SORCS3: variants seen among roughly 807,000 people sequenced by gnomAD.
The protein encoded by SORCS3 is sortilin related VPS10 domain containing receptor 3.
In SORCS3, 57 loss-of-function variants were observed where a neutral mutation model predicts 146.3. The observed-to-expected ratio is 0.39, with a 90% CI of 0.31 to 0.49. SORCS3 has a LOEUF of 0.49. Ranked by LOEUF, SORCS3 falls within the 20% of genes least tolerant of loss-of-function variation. SORCS3 has a pLI of 0.92. For synonymous variants in SORCS3, 653 were observed against 618.5 expected, an observed-to-expected ratio of 1.06 and a Z score of -0.83; for missense variants, 1,341 against 1,575.5, an observed-to-expected ratio of 0.85 and a Z score of 2.52.
At chr10:105,037,386 T>C (rs1252856289) in intron 4 of SORCS3, among the ~76,000 whole-genome samples, 1 of 152,144 alleles carries the variant, frequency 6.6e-6, no homozygotes, top group Non-Finnish European at 1.5e-5. Flanking sequence ...TGACTTGAAG[T>C]AACAGAAATA....
intron 4 of SORCS3, among the ~76,000 whole-genome samples, chr10:104,993,312 T>C (rs1464752983): frequency 6.6e-6 from 1 of 152,226 alleles, no homozygotes; most frequent in Non-Finnish European, 1.5e-5. Flanking sequence ...TGTTCTTCCC[T>C]GTAGTTGCTT....
chr10:104,693,237 T>C (rs2016135049), intron 1 of SORCS3, among the ~76,000 whole-genome samples: 2 of 152,150 alleles, frequency 1.3e-5, no homozygotes, highest in African/African-American at 4.8e-5. Context: ...AGGAGACAGA[T>C]TGGCTGAGCT....
At chr10:104,968,991 A>G (rs2054842826) in intron 3 of SORCS3, among the ~76,000 whole-genome samples, 1 of 152,320 alleles carries the variant, frequency 6.6e-6, no homozygotes, top group East Asian at 1.9e-4. Flanking sequence ...TTGCCCTCAC[A>G]GGCATTGGGA....
chr10:104,745,606 C>G (rs1453013634), intron 1 of SORCS3, among the ~76,000 whole-genome samples: 1 of 152,128 alleles, frequency 6.6e-6, no homozygotes, highest in African/African-American at 2.4e-5. Flanking sequence ...AAGATCTGCC[C>G]TCTTAGCAGA....
At chr10:104,809,972 G>A (rs1470553972) in intron 1 of SORCS3, among the ~76,000 whole-genome samples, 1 of 152,146 alleles carries the variant, frequency 6.6e-6, no homozygotes, top group African/African-American at 2.4e-5. Flanking sequence ...CTGGGATAGG[G>A]GCTGCTTCCT....
chr10:105,123,693 A>G (rs2055952254), intron 7 of SORCS3, among the ~76,000 whole-genome samples: 1 of 152,190 alleles, frequency 6.6e-6, no homozygotes, highest in Non-Finnish European at 1.5e-5. Context: ...AATGGTAATT[A>G]CCCACTATGA....
chr10:105,098,614 C>T (rs2055762794), intron 6 of SORCS3, among the ~76,000 whole-genome samples: 1 of 152,186 alleles, frequency 6.6e-6, no homozygotes, highest in Non-Finnish European at 1.5e-5. Flanking sequence ...ACTTAATCAT[C>T]CTGTGCCTCA....
chr10:104,855,823 A>G (rs991317073), intron 2 of SORCS3, among the ~76,000 whole-genome samples: 1 of 151,358 alleles, frequency 6.6e-6, no homozygotes, highest in Non-Finnish European at 1.5e-5. Context: ...ACAGCCTTGA[A>G]CTCCTAGGCT....
rs549827547 is a variant in SORCS3, at chr10:104,891,623, T to C, written c.696-24210T>C. 1.5e-3 allele frequency among the ~76,000 whole-genome samples: 232 copies of C among 152,330 alleles called. 1 individual carries two copies. The highest frequency in any genetic ancestry group is 5.4e-3 in the African/African-American group (225 of 41,576). On this transcript the variant is annotated intron_variant, in intron 2 of 26. Coordinates refer to ENST00000369701, the MANE Select transcript of SORCS3 (RefSeq NM_014978.3). The stretch of plus-strand genomic sequence containing the variant: ...TTCATTGTCTTGGTGTCCAGTGACA[T>C]GAAAATTGTTGTTTTATATGTTTTA...
chr10:104,779,132 A>T (rs994336547), intron 1 of SORCS3, among the ~76,000 whole-genome samples: 1 of 152,212 alleles, frequency 6.6e-6, no homozygotes, highest in East Asian at 1.9e-4. Flanking sequence ...AGAATTGAGA[A>T]TAGGCAAAGA....
At chr10:104,766,378 G>C (rs562175748) in intron 1 of SORCS3, among the ~76,000 whole-genome samples, 1 of 152,338 alleles carries the variant, frequency 6.6e-6, no homozygotes, top group Admixed American at 6.5e-5. Context: ...GGTTGTGAGA[G>C]GAACCATTGC....
intron 5 of SORCS3, among the ~76,000 whole-genome samples, chr10:105,084,868 C>T (rs1021108539): frequency 6.6e-6 from 1 of 151,864 alleles, no homozygotes; most frequent in Admixed American, 6.6e-5. Flanking sequence ...GTAGCTGGGA[C>T]TACAGGCGCC....
At position 104,785,025 on chromosome 10, in the gene SORCS3, G is replaced by A. The variant is rs551674704; in HGVS notation, c.628-57767G>A. 5.6e-3 allele frequency among the ~76,000 whole-genome samples: 850 copies of A among 152,158 alleles called. 7 individuals are homozygous for A. The highest frequency in any genetic ancestry group is 0.01 in the Middle Eastern group (3 of 294). On this transcript the variant is annotated intron_variant, in intron 1 of 26. Coordinates refer to ENST00000369701, the MANE Select transcript of SORCS3 (RefSeq NM_014978.3). The stretch of plus-strand genomic sequence containing the variant: ...TCCTCACTTCCCAGTAGGGGCGGCC[G>A]GGCAGAGGCGCCCCTCACCTCCCGG...
intron 5 of SORCS3, among the ~76,000 whole-genome samples, chr10:105,087,613 A>G (rs1039023303): frequency 1.3e-5 from 2 of 152,158 alleles, no homozygotes; most frequent in African/African-American, 4.8e-5. Context: ...AAATTTTGGC[A>G]TTAACACAGG....
intron 5 of SORCS3, among the ~76,000 whole-genome samples, chr10:105,089,238 T>C (rs2055684565): frequency 6.6e-6 from 1 of 152,190 alleles, no homozygotes; most frequent in South Asian, 2.1e-4. Flanking sequence ...ACTTCTGTTA[T>C]TTTCAAGGCA....
chr10:105,126,859 T>C (rs747296747), intron 7 of SORCS3, among the ~76,000 whole-genome samples: 1 of 152,142 alleles, frequency 6.6e-6, no homozygotes. Context: ...GAGGAAAGGA[T>C]TTTTGTAGCA....
intron 13 of SORCS3, among the ~76,000 whole-genome samples, chr10:105,175,812 G>T (rs1223718773): frequency 6.6e-6 from 1 of 152,124 alleles, no homozygotes; most frequent in Non-Finnish European, 1.5e-5. Context: ...GATGTTTATG[G>T]CAGACTGTCT....
At chr10:105,133,413 A>G (rs2056035676) in intron 7 of SORCS3, among the ~76,000 whole-genome samples, 3 of 152,182 alleles carry the variant, frequency 2.0e-5, no homozygotes, top group African/African-American at 7.2e-5. Context: ...GGTTTCAGGT[A>G]CAGACTAGAG....
chr10:104,818,760 G>C (rs1564690897), intron 1 of SORCS3, among the ~76,000 whole-genome samples: 1 of 152,086 alleles, frequency 6.6e-6, no homozygotes, highest in African/African-American at 2.4e-5. Context: ...CCTACCTGAA[G>C]AGTAATCATG....
Sources: gnomAD v4.1 joint callset for allele counts (sites outside exome capture counted in the v4.1 genomes callset) on GRCh38, gnomAD v4.1.1 for gene constraint, MANE v1.5 for transcripts, NCBI Gene and HGNC (gene_info 2026-07-23, HGNC 2026-07-21) for gene names.